KCNH5: variants seen among roughly 807,000 people sequenced by gnomAD.
KCNH5 encodes potassium voltage-gated channel subfamily H member 5, also known as voltage-gated delayed rectifier potassium channel KCNH5.
In KCNH5, 46 loss-of-function variants were observed where a neutral mutation model predicts 96.1. That is an observed-to-expected ratio of 0.48 (90% CI 0.38 to 0.61). The LOEUF is 0.61. Ranked by LOEUF, KCNH5 falls within the 20% of genes least tolerant of loss-of-function variation. The pLI, the probability that KCNH5 is intolerant of heterozygous loss-of-function variation, is 0.00. For missense variants in KCNH5, 907 were observed against 1,225.8 expected (o/e 0.74, Z 3.88); for synonymous variants, 439 against 449.8 (o/e 0.98, Z 0.30).
intron 7 of KCNH5, among the ~76,000 whole-genome samples, chr14:62,911,148 T>C (rs1426504630): frequency 6.6e-6 from 1 of 152,090 alleles, no homozygotes; most frequent in Non-Finnish European, 1.5e-5. Context: ...ATTTGTTGAG[T>C]GAAGGACACA....
intron 9 of KCNH5, among the ~76,000 whole-genome samples, chr14:62,786,941 G>A (rs1311084163): frequency 6.6e-6 from 1 of 151,854 alleles, no homozygotes; most frequent in East Asian, 1.9e-4. Flanking sequence ...TCCTCTCCTG[G>A]GGCCTTCCTG....
rs1473760772 is a variant in KCNH5, at chr14:63,045,204, G to C, written c.-18C>G. 1 of 1,609,190 alleles carries C rather than the reference G, an allele frequency of 6.2e-7. No homozygotes were observed. On this transcript the variant is annotated 5_prime_UTR_variant, in exon 1 of 11. Transcript: ENST00000322893. ...CCCGGCATCCTGGGTCTGGAGAGCAGCGGCCAGGATCCGCGGCGGGGGAGG... is the reference window on the plus strand; with the variant it reads ...CCCGGCATCCTGGGTCTGGAGAGCACCGGCCAGGATCCGCGGCGGGGGAGG...
At chr14:62,719,163 A>G (rs572018095) in intron 10 of KCNH5, among the ~76,000 whole-genome samples, 4 of 152,374 alleles carry the variant, frequency 2.6e-5, no homozygotes, top group Non-Finnish European at 4.4e-5. Flanking sequence ...TACACTAAAA[A>G]ATGCTAAATT....
intron 7 of KCNH5, among the ~76,000 whole-genome samples, chr14:62,874,228 G>A (rs769147479): frequency 6.6e-6 from 1 of 151,830 alleles, no homozygotes; most frequent in Non-Finnish European, 1.5e-5. Context: ...ATAAACGTGT[G>A]TTTCTTAAAA....
chr14:63,003,624 A>ATTTTTT (rs775227561), intron 3 of KCNH5, among the ~76,000 whole-genome samples: 5 of 92,820 alleles, frequency 5.4e-5, no homozygotes, highest in African/African-American at 2.4e-4. Context: ...ATATATATAT[A>ATTTTTT]TTTTTTTTTT....
rs1209429163 is a variant in KCNH5, at chr14:62,819,837, T to C, written c.1570-17256A>G. Among the ~76,000 whole-genome samples the C allele has an allele frequency of 2.0e-5, 3 of 152,194 alleles. No individual in the cohort carries two copies. The South Asian group carries it at 6.2e-4, about 31-fold the overall frequency. ...TGCACGTGTATATACCTTTCTATGA[T>C]AAAATACATGAAAAATTATTACTGT... is the stretch of plus-strand genomic sequence containing the variant. On this transcript the variant is annotated intron_variant, in intron 8 of 10. Coordinates refer to ENST00000322893, the MANE Select transcript of KCNH5 (RefSeq NM_139318.5).
At chr14:62,755,375 C>T (rs1037178563) in intron 10 of KCNH5, among the ~76,000 whole-genome samples, 1 of 152,058 alleles carries the variant, frequency 6.6e-6, no homozygotes, top group African/African-American at 2.4e-5. Context: ...CCTGCAAATA[C>T]ATTAAACCAT....
chr14:62,876,089 C>T (rs528130456), intron 7 of KCNH5, among the ~76,000 whole-genome samples: 34 of 152,244 alleles, frequency 2.2e-4, no homozygotes, highest in Middle Eastern at 3.4e-3. Context: ...ATTGCTTGAA[C>T]CTGGGAGGCG....
chr14:62,883,164 T>C (rs1281677741), intron 7 of KCNH5, among the ~76,000 whole-genome samples: 1 of 152,234 alleles, frequency 6.6e-6, no homozygotes, highest in African/African-American at 2.4e-5. Context: ...TTCTGAGTTA[T>C]CTTTCTTTTC....
chr14:62,900,893 G>A (rs9944099), intron 7 of KCNH5, among the ~76,000 whole-genome samples: 44 of 152,190 alleles, frequency 2.9e-4, no homozygotes, highest in African/African-American at 9.6e-4. Flanking sequence ...GAACGCTTAC[G>A]AATCAATTAA....
At chr14:63,021,302 G>A (rs960853388) in intron 1 of KCNH5, among the ~76,000 whole-genome samples, 3 of 151,818 alleles carry the variant, frequency 2.0e-5, no homozygotes, top group Non-Finnish European at 4.4e-5. Context: ...AATCCTTTCC[G>A]AGGCTAACAA....
At chr14:62,853,478 T>TG (rs1566682719) in intron 7 of KCNH5, among the ~76,000 whole-genome samples, 1 of 101,092 alleles carries the variant, frequency 9.9e-6, no homozygotes, top group African/African-American at 3.9e-5. Flanking sequence ...TATATATATA[T>TG]ATCATATATA....
At chr14:63,011,253 C>A (rs544805004) in intron 2 of KCNH5, among the ~76,000 whole-genome samples, 1 of 152,184 alleles carries the variant, frequency 6.6e-6, no homozygotes, top group African/African-American at 2.4e-5. Context: ...GAGGCTGAGG[C>A]GGGCAGATCA....
intron 9 of KCNH5, among the ~76,000 whole-genome samples, chr14:62,789,335 G>A (rs992486034): frequency 5.9e-5 from 9 of 151,886 alleles, no homozygotes; most frequent in African/African-American, 2.2e-4. Flanking sequence ...ATCCATCAAT[G>A]GATACTTAGG....
rs145962827 is a variant in KCNH5, at chr14:62,845,568, G to C, written c.1569+4085C>G. Among the ~76,000 whole-genome samples the C allele has an allele frequency of 5.4e-4, 82 of 152,324 alleles. No individual in the cohort carries two copies. The East Asian group carries it at 9.4e-3, about 18-fold the overall frequency. ...CAAAGGTGGAAGCACCGGCCAGTTA[G>C]TTGGTATTAGAAAAATCCAGGGAAG... On this transcript the variant is annotated intron_variant, in intron 8 of 10. Coordinates refer to ENST00000322893, the MANE Select transcript of KCNH5 (RefSeq NM_139318.5).
chr14:62,761,223 C>T (rs1333087110), intron 10 of KCNH5, among the ~76,000 whole-genome samples: 4 of 150,888 alleles, frequency 2.7e-5, no homozygotes, highest in African/African-American at 4.9e-5. Context: ...GGTGTGGTGG[C>T]GGGCGCTTGT....
intron 1 of KCNH5, among the ~76,000 whole-genome samples, chr14:63,028,109 C>CCTCTCT (rs10547361): frequency 3.4e-5 from 5 of 148,662 alleles, no homozygotes; most frequent in African/African-American, 1.2e-4. Flanking sequence ...GCTTTACAAA[C>CCTCTCT]CTCTCTCTCT....
At chr14:62,962,363 A>G (rs1890229887) in intron 6 of KCNH5, among the ~76,000 whole-genome samples, 1 of 152,168 alleles carries the variant, frequency 6.6e-6, no homozygotes, top group Non-Finnish European at 1.5e-5. Context: ...ATCATTCACT[A>G]TCTCTGATGC....
rs79736894 is a variant in KCNH5 at position 62,831,265 on chromosome 14, T to C, written c.1569+18388A>G. On this transcript the variant is annotated intron_variant, in intron 8 of 10. Transcript: ENST00000322893. ...CCTACTTTATTGGTTTGGATAGGTA[T>C]TTCCCAAGGGTCAGTTTAATGTATC... Among the ~76,000 whole-genome samples the C allele has an allele frequency of 4.7e-4, 72 of 152,304 alleles. No homozygotes were observed. The East Asian group carries it at 0.013, about 27-fold the overall frequency.
Sources: gnomAD v4.1 joint callset for allele counts (sites outside exome capture counted in the v4.1 genomes callset) on GRCh38, gnomAD v4.1.1 for gene constraint, MANE v1.5 for transcripts, NCBI Gene and HGNC (gene_info 2026-07-23, HGNC 2026-07-21) for gene names.